Variants in CCNY observed in about 807,000 individuals in gnomAD.
CCNY encodes the protein cyclin-Y.
In CCNY, 19 loss-of-function variants were observed where a neutral mutation model predicts 42.8. The observed-to-expected ratio is 0.44, with a 90% CI of 0.31 to 0.65. CCNY has a LOEUF of 0.65. Among genes scored for constraint, CCNY ranks in the 30% least tolerant of loss-of-function variants. CCNY has a pLI of 0.07. For missense variants in CCNY, 370 were observed against 437.3 expected (o/e 0.85, Z 1.37); for synonymous variants, 165 against 162.7 (o/e 1.01, Z -0.11).
chr10:35,275,816 G>C (rs1158471927), intron 3 of CCNY, among the ~76,000 whole-genome samples: 1 of 152,062 alleles, frequency 6.6e-6, no homozygotes, highest in Non-Finnish European at 1.5e-5. Context: ...CCAGAGGAAT[G>C]ACCACTGGGC....
chr10:35,368,541 C>A (rs1283709451), intron 1 of CCNY, among the ~76,000 whole-genome samples: 1 of 152,224 alleles, frequency 6.6e-6, no homozygotes, highest in Non-Finnish European at 1.5e-5. Context: ...CACAGGCACA[C>A]CTCTGCTAGT....
At chr10:35,388,478 A>G (rs566017419) in intron 1 of CCNY, among the ~76,000 whole-genome samples, 1 of 152,312 alleles carries the variant, frequency 6.6e-6, no homozygotes, top group South Asian at 2.1e-4. Flanking sequence ...CTGGAAACTT[A>G]GTGTCACATG....
chr10:35,281,420 C>T (rs924405581), intron 3 of CCNY, among the ~76,000 whole-genome samples: 1 of 152,022 alleles, frequency 6.6e-6, no homozygotes, highest in African/African-American at 2.4e-5. Flanking sequence ...TTGCCTCAGC[C>T]TCCCAAGTAC....
intron 7 of CCNY, among the ~76,000 whole-genome samples, chr10:35,538,980 C>A (rs1275583743): frequency 6.6e-6 from 1 of 152,144 alleles, no homozygotes; most frequent in Non-Finnish European, 1.5e-5. Context: ...CACATTCGTT[C>A]TTGTGCATTT....
In CCNY at chr10:35,317,939, A is replaced by G. The variant is rs560086853; in HGVS notation, c.-9+67313A>G. ...CATGCAGGGCTAAGTGCTATCTTAC[A>G]TAGTTCCAGCCTGGCGCTGTGGCTC... On this transcript the variant is annotated intron_variant, in intron 3 of 11. Transcript: ENST00000374706. 5.9e-5 allele frequency among the ~76,000 whole-genome samples: 9 copies of G among 152,312 alleles called. No homozygotes were observed. The East Asian group carries it at 1.2e-3, about 20-fold the overall frequency.
At chr10:35,341,138 G>A (rs947740055) in intron 1 of CCNY, among the ~76,000 whole-genome samples, 2 of 152,190 alleles carry the variant, frequency 1.3e-5, no homozygotes, top group Non-Finnish European at 2.9e-5. Context: ...AGTGGTCGCT[G>A]GGGCCCCTTG....
At chr10:35,473,483 C>G (rs1181063919) in intron 1 of CCNY, among the ~76,000 whole-genome samples, 2 of 152,062 alleles carry the variant, frequency 1.3e-5, no homozygotes, top group African/African-American at 4.8e-5. Flanking sequence ...GCTCTCTGCA[C>G]GCTGCAAAGG....
chr10:35,448,076 C>T (rs1838831179), intron 1 of CCNY, among the ~76,000 whole-genome samples: 1 of 152,148 alleles, frequency 6.6e-6, no homozygotes, highest in Non-Finnish European at 1.5e-5. Context: ...AAGGAGACCG[C>T]CTTCACTGTG....
chr10:35,470,502 A>G (rs1839370862), intron 1 of CCNY, among the ~76,000 whole-genome samples: 1 of 152,236 alleles, frequency 6.6e-6, no homozygotes, highest in Non-Finnish European at 1.5e-5. Context: ...CACACTTGCA[A>G]AGACATACAC....
intron 1 of CCNY, among the ~76,000 whole-genome samples, chr10:35,376,381 T>C (rs1297627930): frequency 2.0e-5 from 3 of 152,222 alleles, no homozygotes; most frequent in Admixed American, 6.5e-5. Context: ...GCATTATTGG[T>C]GATAGGCAAA....
chr10:35,513,812 G>T (rs1840370142), intron 3 of CCNY, among the ~76,000 whole-genome samples: 1 of 152,188 alleles, frequency 6.6e-6, no homozygotes, highest in African/African-American at 2.4e-5. Context: ...AAGTGGGAGG[G>T]TCTGTGTGTG....
chr10:35,368,124 C>T (rs978457039), intron 1 of CCNY, among the ~76,000 whole-genome samples: 2 of 152,172 alleles, frequency 1.3e-5, no homozygotes, highest in African/African-American at 4.8e-5. Flanking sequence ...GTTAGAACAA[C>T]GAGAACTGCT....
chr10:35,312,785 T>C (rs1486485167), intron 3 of CCNY, among the ~76,000 whole-genome samples: 6 of 148,946 alleles, frequency 4.0e-5, no homozygotes, highest in Non-Finnish European at 7.4e-5. Context: ...GGGGTCTTGT[T>C]CTGTTGCCCA....
At chr10:35,440,690 G>C (rs998183311) in intron 1 of CCNY, among the ~76,000 whole-genome samples, 5 of 152,192 alleles carry the variant, frequency 3.3e-5, no homozygotes, top group African/African-American at 1.2e-4. Context: ...TCAGCTCCTA[G>C]AAAGAGTGAT....
At chr10:35,318,076 A>G (rs1835781443) in intron 3 of CCNY, among the ~76,000 whole-genome samples, 1 of 151,924 alleles carries the variant, frequency 6.6e-6, no homozygotes, top group South Asian at 2.1e-4. Context: ...AAAAATTTCA[A>G]AATTGGCAGA....
intron 1 of CCNY, among the ~76,000 whole-genome samples, chr10:35,376,229 G>A (rs1407341010): frequency 6.6e-6 from 1 of 152,188 alleles, no homozygotes; most frequent in Non-Finnish European, 1.5e-5. Flanking sequence ...ATAAAATGGT[G>A]CAGCCACTGA....
intron 1 of CCNY, among the ~76,000 whole-genome samples, chr10:35,352,921 T>TTTTC (rs905763086): frequency 1.3e-5 from 2 of 152,228 alleles, no homozygotes; most frequent in East Asian, 3.9e-4. Context: ...TATGTTCCTT[T>TTTTC]TTTCTTTCTT....
intron 1 of CCNY, among the ~76,000 whole-genome samples, chr10:35,461,585 A>G (rs1008503386): frequency 6.6e-6 from 1 of 152,102 alleles, no homozygotes; most frequent in Non-Finnish European, 1.5e-5. Flanking sequence ...GCCCAGGAGA[A>G]GGTTCAGAAA....
At chr10:35,476,205 G>A (rs1056662048) in intron 1 of CCNY, among the ~76,000 whole-genome samples, 3 of 152,126 alleles carry the variant, frequency 2.0e-5, no homozygotes, top group African/African-American at 7.2e-5. Flanking sequence ...AACACCCACT[G>A]TCAACATTAG....
Sources: allele counts gnomAD v4.1 joint callset (sites outside exome capture counted in the v4.1 genomes callset), GRCh38; gene constraint gnomAD v4.1.1; transcripts MANE v1.5; gene names NCBI Gene and HGNC (gene_info 2026-07-23, HGNC 2026-07-21).